Variants in MAP2 observed in about 807,000 individuals in gnomAD.
MAP2 encodes the protein microtubule associated protein 2, also known as microtubule-associated protein 2.
MAP2 carries 14 observed loss-of-function variants against 137.6 expected under a neutral mutation model. The ratio of observed to expected loss-of-function variants is 0.10; its 90% CI spans 0.07 to 0.16. The LOEUF is 0.16. MAP2 is among the 10% of genes least tolerant of loss of function. The pLI, the probability that MAP2 is intolerant of heterozygous loss-of-function variation, is 1.00. For missense variants in MAP2, 2,088 were observed against 2,191.5 expected (o/e 0.95, Z 0.94); for synonymous variants, 786 against 782.3 (o/e 1.00, Z -0.08).
At chr2:209,723,063 T>A (rs545928389) in intron 13 of MAP2, among the ~76,000 whole-genome samples, 1 of 152,218 alleles carries the variant, frequency 6.6e-6, no homozygotes, top group Non-Finnish European at 1.5e-5. Context: ...TTACCCTAGA[T>A]GAATGAGAAC....
At chr2:209,672,190 G>A (rs1271532565) in intron 5 of MAP2, among the ~76,000 whole-genome samples, 1 of 151,740 alleles carries the variant, frequency 6.6e-6, no homozygotes, top group Non-Finnish European at 1.5e-5. Context: ...ATGACAGTAG[G>A]GCAAAATTTA....
At chr2:209,446,694 T>C (rs1699148688) in intron 1 of MAP2, among the ~76,000 whole-genome samples, 2 of 151,928 alleles carry the variant, frequency 1.3e-5, no homozygotes, top group African/African-American at 4.8e-5. Context: ...CCATTTTGAA[T>C]AAGTACATCT....
In MAP2 at chr2:209,710,274, A is replaced by G. The variant is rs2064981896; in HGVS notation, c.5073+20A>G. ...GGGCAGGTAAGAATTGCATGAACAC[A>G]TATTTGCTGCCAGAAATAATTATTA... On this transcript the variant is annotated intron_variant, in intron 13 of 15. Transcript: ENST00000682079. 2 of 1,526,710 alleles carry G rather than the reference A, an allele frequency of 1.3e-6. No homozygotes were observed. Among genetic ancestry groups the G allele is most frequent in the Admixed American group, 2.0e-5 (1 of 50,544 alleles). The allele number at this position is 1,526,710 out of a possible 1,614,324, so 94.6% of individuals were successfully genotyped here.
intron 4 of MAP2, among the ~76,000 whole-genome samples, chr2:209,637,225 T>A (rs144934045): frequency 6.6e-6 from 1 of 152,078 alleles, no homozygotes; most frequent in South Asian, 2.1e-4. Context: ...GGCAGATCAC[T>A]TGAGGTCAGG....
intron 5 of MAP2, among the ~76,000 whole-genome samples, chr2:209,660,977 C>T (rs551047444): frequency 4.8e-4 from 72 of 150,208 alleles, no homozygotes; most frequent in African/African-American, 1.6e-3. Flanking sequence ...ATATCCTGAC[C>T]TCGTGATCCG....
At chr2:209,453,889 C>T (rs1447067179) in intron 1 of MAP2, among the ~76,000 whole-genome samples, 5 of 152,026 alleles carry the variant, frequency 3.3e-5, no homozygotes, top group African/African-American at 1.2e-4. Flanking sequence ...TCGTGGCTCA[C>T]GCCTGTAATC....
intron 7 of MAP2, among the ~76,000 whole-genome samples, chr2:209,681,232 T>C (rs2054425618): frequency 1.3e-5 from 2 of 152,188 alleles, no homozygotes; most frequent in African/African-American, 4.8e-5. Flanking sequence ...AACACTTCCT[T>C]ATGAAAGTGT....
intron 13 of MAP2, among the ~76,000 whole-genome samples, chr2:209,720,943 A>AT (rs112741660): frequency 0.011 from 1,538 of 145,924 alleles, 26 homozygotes; most frequent in African/African-American, 0.033. Context: ...TAACTCTTTG[A>AT]TTTTTTTTTT....
intron 4 of MAP2, among the ~76,000 whole-genome samples, chr2:209,632,541 C>G (rs1487217546): frequency 6.6e-6 from 1 of 152,126 alleles, no homozygotes; most frequent in Non-Finnish European, 1.5e-5. Context: ...ACAACAGTAA[C>G]TACAAAGTCT....
intron 3 of MAP2, among the ~76,000 whole-genome samples, chr2:209,594,251 G>T (rs956436921): frequency 2.0e-5 from 3 of 151,840 alleles, no homozygotes; most frequent in African/African-American, 7.3e-5. Context: ...AGTTCTGCCT[G>T]GATTTATCTG....
At chr2:209,578,497 A>AT (rs1003836146) in intron 2 of MAP2, among the ~76,000 whole-genome samples, 20 of 146,728 alleles carry the variant, frequency 1.4e-4, no homozygotes, top group African/African-American at 2.7e-4. Flanking sequence ...CTGCCATCAT[A>AT]TTTTTTTTTT....
chr2:209,621,736 C>T (rs1391680622), intron 3 of MAP2, among the ~76,000 whole-genome samples: 1 of 152,092 alleles, frequency 6.6e-6, no homozygotes, highest in Admixed American at 6.6e-5. Context: ...TTGAGGAAAC[C>T]ACAACATGGC....
chr2:209,474,534 G>C (rs944231098), intron 1 of MAP2, among the ~76,000 whole-genome samples: 2 of 151,960 alleles, frequency 1.3e-5, no homozygotes, highest in Non-Finnish European at 2.9e-5. Context: ...TAATAGTATG[G>C]ACCATTATAT....
intron 4 of MAP2, among the ~76,000 whole-genome samples, chr2:209,635,271 T>C (rs1238870141): frequency 6.6e-6 from 1 of 152,124 alleles, no homozygotes; most frequent in East Asian, 1.9e-4. Context: ...GAAAACCTCA[T>C]TATGGAAAAA....
chr2:209,481,143 T>G (rs1319574308), intron 1 of MAP2, among the ~76,000 whole-genome samples: 1 of 152,088 alleles, frequency 6.6e-6, no homozygotes, highest in Non-Finnish European at 1.5e-5. Context: ...TGACACAGAG[T>G]GTAGCTTACT....
chr2:209,545,246 C>T (rs1316910152), intron 2 of MAP2, among the ~76,000 whole-genome samples: 1 of 152,146 alleles, frequency 6.6e-6, no homozygotes, highest in Non-Finnish European at 1.5e-5. Context: ...TACCATCTGT[C>T]TGTGCTTAAG....
At chr2:209,611,056 G>C (rs1426074365) in intron 3 of MAP2, among the ~76,000 whole-genome samples, 2 of 152,088 alleles carry the variant, frequency 1.3e-5, no homozygotes, top group East Asian at 3.9e-4. Flanking sequence ...TAATCTATAA[G>C]TTACTAGGAA....
chr2:209,595,237 T>G (rs1039655106), intron 3 of MAP2, among the ~76,000 whole-genome samples: 11 of 152,206 alleles, frequency 7.2e-5, no homozygotes, highest in Non-Finnish European at 1.5e-4. Context: ...TTAATGTGTG[T>G]GATCCTTGTC....
At position 209,597,637 on chromosome 2, in the gene MAP2, G is replaced by T. The variant is rs151055862; in HGVS notation, c.-107+17537G>T. Among the ~76,000 whole-genome samples the T allele has an allele frequency of 1.9e-3, 290 of 152,284 alleles. 1 individual carries two copies. Among genetic ancestry groups the T allele is most frequent in the Non-Finnish European group, 3.6e-3 (244 of 68,032 alleles). ...TGCTTCCCATAGCATTCACCCTAAAGTGCAGAATAAACTGTGCCATAAGGC... is the reference window on the plus strand; with the variant it reads ...TGCTTCCCATAGCATTCACCCTAAATTGCAGAATAAACTGTGCCATAAGGC... On this transcript the variant is annotated intron_variant, in intron 3 of 15. Coordinates refer to ENST00000682079, the MANE Select transcript of MAP2 (RefSeq NM_001375505.1).
Sources: allele counts gnomAD v4.1 joint callset (sites outside exome capture counted in the v4.1 genomes callset), GRCh38; gene constraint gnomAD v4.1.1; transcripts MANE v1.5; gene names NCBI Gene and HGNC (gene_info 2026-07-23, HGNC 2026-07-21).